Variants in LRRTM4 observed in about 807,000 individuals in gnomAD.
LRRTM4 encodes the protein leucine-rich repeat transmembrane neuronal protein 4.
In LRRTM4, 25 loss-of-function variants were observed where a neutral mutation model predicts 47.6. The ratio of observed to expected loss-of-function variants is 0.53; its 90% confidence interval spans 0.38 to 0.73. The LOEUF (loss-of-function observed/expected upper bound fraction) is 0.73, where lower values mean the gene tolerates loss of function less well. Among genes scored for constraint, LRRTM4 ranks in the 30% least tolerant of loss-of-function variants. The pLI is 0.00. For missense variants in LRRTM4, 638 were observed against 713.4 expected, an observed-to-expected ratio of 0.89 and a Z score of 1.20; for synonymous variants, 311 against 269.5, an observed-to-expected ratio of 1.15 and a Z score of -1.51.
chr2:77,316,215 C>A (rs1400779510), intron 3 of LRRTM4, among the ~76,000 whole-genome samples: 1 of 152,058 alleles, frequency 6.6e-6, no homozygotes, highest in Non-Finnish European at 1.5e-5. Flanking sequence ...CTTTCAACAC[C>A]TCCCAAGTAC....
chr2:76,952,843 C>G (rs1675540895), intron 3 of LRRTM4, among the ~76,000 whole-genome samples: 1 of 151,862 alleles, frequency 6.6e-6, no homozygotes, highest in African/African-American at 2.4e-5. Context: ...CTACAGAATA[C>G]TACACAGTCA....
intron 3 of LRRTM4, among the ~76,000 whole-genome samples, chr2:77,450,784 C>T (rs1290806339): frequency 6.6e-6 from 1 of 152,058 alleles, no homozygotes; most frequent in Non-Finnish European, 1.5e-5. Context: ...TTATAATATT[C>T]TAAATTTTAT....
At chr2:77,122,800 G>A (rs958570834) in intron 3 of LRRTM4, among the ~76,000 whole-genome samples, 3 of 151,680 alleles carry the variant, frequency 2.0e-5, no homozygotes, top group African/African-American at 7.3e-5. Flanking sequence ...TGAAGGAGAG[G>A]CAAAACTAAG....
chr2:76,843,319 C>A (rs1226294873), intron 3 of LRRTM4, among the ~76,000 whole-genome samples: 1 of 152,034 alleles, frequency 6.6e-6, no homozygotes, highest in Non-Finnish European at 1.5e-5. Flanking sequence ...ATGTATATTC[C>A]AAAAATATTT....
intron 3 of LRRTM4, among the ~76,000 whole-genome samples, chr2:77,445,984 A>G (rs1676035148): frequency 6.6e-6 from 1 of 152,022 alleles, no homozygotes; most frequent in African/African-American, 2.4e-5. Flanking sequence ...CCTAAGTGAG[A>G]TGTAATCATA....
chr2:77,042,796 C>G (rs1462105505), intron 3 of LRRTM4, among the ~76,000 whole-genome samples: 1 of 151,722 alleles, frequency 6.6e-6, no homozygotes, highest in Non-Finnish European at 1.5e-5. Context: ...CTTGTAACTT[C>G]AGGACCTAAG....
chr2:76,971,292 GCCC>G (rs386647553), intron 3 of LRRTM4, among the ~76,000 whole-genome samples: 1 of 151,752 alleles, frequency 6.6e-6, no homozygotes, highest in Non-Finnish European at 1.5e-5. Context: ...ATGTGTTGGA[GCCC>G]TAGGATATGT....
chr2:77,111,624 C>T (rs1284774088), intron 3 of LRRTM4, among the ~76,000 whole-genome samples: 1 of 152,082 alleles, frequency 6.6e-6, no homozygotes, highest in Non-Finnish European at 1.5e-5. Flanking sequence ...TTAAGATTTC[C>T]TGTGTCCAGG....
At chr2:76,861,191 C>T (rs1164942520) in intron 3 of LRRTM4, among the ~76,000 whole-genome samples, 4 of 152,038 alleles carry the variant, frequency 2.6e-5, no homozygotes, top group South Asian at 2.1e-4. Flanking sequence ...TATTTCAACC[C>T]TACCAATCTT....
At chr2:76,840,355 C>A (rs1260187220) in intron 3 of LRRTM4, among the ~76,000 whole-genome samples, 1 of 152,174 alleles carries the variant, frequency 6.6e-6, no homozygotes, top group Non-Finnish European at 1.5e-5. Flanking sequence ...ACAAACCTGG[C>A]CTTTTGAGAG....
At chr2:77,086,263 G>A (rs1347229176) in intron 3 of LRRTM4, among the ~76,000 whole-genome samples, 1 of 152,140 alleles carries the variant, frequency 6.6e-6, no homozygotes, top group Non-Finnish European at 1.5e-5. Context: ...GAGTCAAGGA[G>A]GATCACAACT....
In LRRTM4 at chr2:77,519,268, A is replaced by G; in HGVS notation, c.601T>C (p.Phe201Leu). The G allele has an allele frequency of 6.2e-7, 1 of 1,613,434 alleles. No individual in the cohort carries two copies. Among genetic ancestry groups the G allele is most frequent in the Non-Finnish European group, 8.5e-7 (1 of 1,179,596 alleles). The change falls in exon 3 of 4, where the codon TTT becomes CTT. Residue 201 changes from phenylalanine to leucine, a missense_variant. Transcript: ENST00000409884. This position sits in a 1 kb window ranked among gnomAD's most constrained non-coding sequence, Gnocchi z 4.6. ...TCCTTTAACTTCAAGAGGCCAGCAA[A>G]TGCATTTCGGGACAAGCTTCGAAGA... ...NRLRSLSRNAFAGLLKLKELH... is the reference protein window; with the variant it reads ...NRLRSLSRNALAGLLKLKELH...
At chr2:77,356,204 C>T (rs1671961593) in intron 3 of LRRTM4, among the ~76,000 whole-genome samples, 1 of 152,102 alleles carries the variant, frequency 6.6e-6, no homozygotes, top group African/African-American at 2.4e-5. Context: ...AGAACAGTAA[C>T]ATGATCATAA....
chr2:77,467,104 T>TTTG (rs374414572), intron 3 of LRRTM4, among the ~76,000 whole-genome samples: 113 of 152,050 alleles, frequency 7.4e-4, no homozygotes, highest in East Asian at 1.9e-3. Flanking sequence ...AACAGGCTGT[T>TTTG]TTGTTGTTGT....
chr2:76,892,675 G>A (rs1013856300), intron 3 of LRRTM4, among the ~76,000 whole-genome samples: 3 of 151,658 alleles, frequency 2.0e-5, no homozygotes, highest in Admixed American at 6.6e-5. Flanking sequence ...GGGAAAGGGA[G>A]ATTCAAAGTA....
chr2:76,811,489 A>G (rs1215554213), intron 3 of LRRTM4, among the ~76,000 whole-genome samples: 1 of 152,128 alleles, frequency 6.6e-6, no homozygotes, highest in Non-Finnish European at 1.5e-5. Context: ...CAGCCAGACC[A>G]TCGCCTCTAC....
rs10190670 is a variant in LRRTM4 at position 77,501,265 on chromosome 2, C to T, written c.1551+17053G>A. 3.6e-3 allele frequency among the ~76,000 whole-genome samples: 544 copies of T among 150,358 alleles called. 4 individuals carry two copies. Among genetic ancestry groups the T allele is most frequent in the African/African-American group, 0.013 (531 of 41,218 alleles). The stretch of plus-strand genomic sequence containing the variant: ...TAACTAAGCAGTATGCCAAAAGCAC[C>T]AGCAAAATAAAAATTTTAATAGAAA... On this transcript the variant is annotated intron_variant, in intron 3 of 3. Coordinates refer to ENST00000409884, the MANE Select transcript of LRRTM4 (RefSeq NM_001134745.3).
chr2:76,948,590 A>C (rs1253037882), intron 3 of LRRTM4, among the ~76,000 whole-genome samples: 2 of 151,824 alleles, frequency 1.3e-5, no homozygotes, highest in Non-Finnish European at 2.9e-5. Flanking sequence ...ATGGTAACTT[A>C]ATAACAGCTC....
intron 3 of LRRTM4, among the ~76,000 whole-genome samples, chr2:77,127,540 T>C (rs1177552815): frequency 2.6e-5 from 4 of 152,164 alleles, no homozygotes; most frequent in African/African-American, 9.7e-5. Flanking sequence ...ATAAAAATGA[T>C]GATATGGCAC....
Sources: allele counts gnomAD v4.1 joint callset (sites outside exome capture counted in the v4.1 genomes callset), GRCh38; gene constraint gnomAD v4.1.1; non-coding constraint Gnocchi (gnomAD v3.1); transcripts MANE v1.5; gene names NCBI Gene and HGNC (gene_info 2026-07-23, HGNC 2026-07-21).